The following FYB2 variants were observed in gnomAD, a reference collection of about 807,000 sequenced individuals.
FYB2 encodes FYN-binding protein 2.
A neutral mutation model predicts 94.1 loss-of-function variants in FYB2; 103 were observed. The ratio of observed to expected loss-of-function variants is 1.09; its 90% CI spans 0.93 to 1.29. The LOEUF is 1.29. FYB2 is among the 50% of genes most tolerant of loss of function. The probability of loss-of-function intolerance (pLI) is 0.00; values close to 1 mark genes in which losing one functional copy is unlikely to be tolerated. For missense variants in FYB2, 896 were observed against 841.5 expected, an observed-to-expected ratio of 1.06 and a Z score of -0.80; for synonymous variants, 293 against 287.9, an observed-to-expected ratio of 1.02 and a Z score of -0.18.
intron 16 of FYB2, among the ~76,000 whole-genome samples, chr1:56,724,616 C>T (rs1015427943): frequency 1.3e-5 from 2 of 151,986 alleles, no homozygotes; most frequent in African/African-American, 4.8e-5. Flanking sequence ...TTATGTCACT[C>T]TCTTGCTTAA....
chr1:56,747,379 G>A (rs1287230165), intron 9 of FYB2, among the ~76,000 whole-genome samples: 1 of 151,846 alleles, frequency 6.6e-6, no homozygotes, highest in Non-Finnish European at 1.5e-5. Context: ...CATGCACTAA[G>A]TATTTGTCCT....
chr1:56,723,819 A>G (rs1644533022), intron 16 of FYB2, 138 bp from the exon 17 acceptor site: 1 of 582,892 alleles, frequency 1.7e-6, no homozygotes, highest in African/African-American at 2.0e-5. Context: ...AATAATACAC[A>G]AAGTCACGCA....
chr1:56,811,941 T>C (rs200586844), intron 1 of FYB2, among the ~76,000 whole-genome samples: 2 of 151,372 alleles, frequency 1.3e-5, no homozygotes, highest in Non-Finnish European at 2.9e-5. Context: ...TTTTTTTTCC[T>C]TTTTCTTTCT....
intron 1 of FYB2, 151 bp downstream of exon 1, chr1:56,819,131 C>T: frequency 6.8e-6 from 3 of 438,872 alleles, no homozygotes; most frequent in South Asian, 1.8e-5. Flanking sequence ...CCAGTGTGAG[C>T]AGAAATGCAC....
chr1:56,814,664 A>G (rs529377494), intron 1 of FYB2, among the ~76,000 whole-genome samples: 14 of 152,168 alleles, frequency 9.2e-5, no homozygotes, highest in African/African-American at 3.1e-4. Flanking sequence ...TTCTCCCAGA[A>G]CTCACAAAAA....
rs1318090456 is a variant in FYB2, at chr1:56,756,811, C to T, written c.1099-884G>A. ...ACTACTGTCTATGCACAAGTGCTAT[C>T]ACACCAGAGGGACTTGGTACATGTT... On this transcript the variant is annotated intron_variant, in intron 6 of 19. Coordinates refer to ENST00000343433, the MANE Select transcript of FYB2 (RefSeq NM_001004303.5). Among the ~76,000 whole-genome samples the T allele has an allele frequency of 1.3e-5, 2 of 152,098 alleles. 1 individual carries two copies. The highest frequency in any genetic ancestry group is 4.1e-4 in the South Asian group (2 of 4,822).
intron 4 of FYB2, among the ~76,000 whole-genome samples, chr1:56,772,705 A>G (rs1218409147): frequency 1.3e-5 from 2 of 152,156 alleles, no homozygotes; most frequent in African/African-American, 4.8e-5. Flanking sequence ...CATTCTAGTT[A>G]TAAAGAACTG....
At chr1:56,767,710 A>G in intron 5 of FYB2, 119 bp downstream of exon 5, 1 of 731,056 alleles carries the variant, frequency 1.4e-6, no homozygotes. Flanking sequence ...AAGAAATAAG[A>G]TGGTTGTGCA....
chr1:56,792,769 T>A lies in FYB2; in HGVS notation c.44A>T (p.Lys15Ile). The change falls in exon 2 of 20, where the codon AAA becomes ATA. Residue 15 changes from lysine to isoleucine, a missense_variant. Lys to Ile is a moderately radical substitution (Grantham distance 102, BLOSUM62 -3). Coordinates refer to ENST00000343433, the MANE Select transcript of FYB2 (RefSeq NM_001004303.5). ...GVRNFKELRA[K>I]FQNLDAPPLP... ...AGGTGGAGCATCAAGATTTTGAAATTTGGCTCGAAGTTCCTTGAAGTTTCT... is the reference window on the plus strand; with the variant it reads ...AGGTGGAGCATCAAGATTTTGAAATATGGCTCGAAGTTCCTTGAAGTTTCT... 6.2e-7 allele frequency: 1 copy of A among 1,613,404 alleles called. No homozygotes were observed. The highest frequency in any genetic ancestry group is 8.5e-7 in the Non-Finnish European group (1 of 1,179,688).
intron 6 of FYB2, among the ~76,000 whole-genome samples, chr1:56,757,403 G>T (rs543457064): frequency 6.6e-6 from 1 of 152,156 alleles, no homozygotes; most frequent in African/African-American, 2.4e-5. Flanking sequence ...TACCCAGTGA[G>T]AAAAGAGTAG....
chr1:56,792,379 T>C lies in FYB2; in HGVS notation c.434A>G (p.Lys145Arg), dbSNP rs758143030. Residue 145 changes from lysine (K) to arginine (R), a missense_variant, in exon 2 of 20, where the codon AAG becomes AGG. Coordinates refer to ENST00000343433, the MANE Select transcript of FYB2 (RefSeq NM_001004303.5). Reference protein sequence around the residue: ...SFRNKLWNWEKVSSQKSEMSS... With the variant: ...SFRNKLWNWERVSSQKSEMSS... ...CATTTCACTTTTCTGAGATGAAACC[T>C]TCTCCCAGTTCCAGAGTTTGTTTCT... 6.2e-7 allele frequency: 1 copy of C among 1,614,186 alleles called. No homozygotes were observed. Among genetic ancestry groups the C allele is most frequent in the Non-Finnish European group, 8.5e-7 (1 of 1,180,020 alleles).
At chr1:56,793,017 A>T (rs968704599) in intron 1 of FYB2, among the ~76,000 whole-genome samples, 1 of 152,100 alleles carries the variant, frequency 6.6e-6, no homozygotes, top group Non-Finnish European at 1.5e-5. Flanking sequence ...TACAATGAAA[A>T]CACTATCTCT....
intron 1 of FYB2, among the ~76,000 whole-genome samples, chr1:56,815,243 C>T (rs996780979): frequency 1.3e-5 from 2 of 152,062 alleles, no homozygotes; most frequent in African/African-American, 2.4e-5. Context: ...CTCCTTCACT[C>T]GAGCGTTCCC....
At chr1:56,815,933 A>C (rs1229235031) in intron 1 of FYB2, among the ~76,000 whole-genome samples, 2 of 152,156 alleles carry the variant, frequency 1.3e-5, no homozygotes, top group Admixed American at 6.5e-5. Context: ...ACTAGGCTAT[A>C]CCTCTGATTT....
intron 15 of FYB2, among the ~76,000 whole-genome samples, chr1:56,734,131 C>A (rs1184190567): frequency 1.3e-5 from 2 of 152,120 alleles, no homozygotes; most frequent in East Asian, 3.9e-4. Flanking sequence ...GGATAGTTAG[C>A]TCTTCTTGTT....
chr1:56,720,096 A>T, intron 18 of FYB2, 41 bp from the exon 19 acceptor site: 3 of 1,592,140 alleles, frequency 1.9e-6, no homozygotes, highest in Non-Finnish European at 2.6e-6. Context: ...AAAGTTATAG[A>T]GAAAATGTTT....
In FYB2 at chr1:56,751,064, G is replaced by T; in HGVS notation, c.1367C>A (p.Ala456Asp). ...TNPCPEGPKL[A>D]RHSQGHCGHL... is the part of the protein sequence containing the mutation. ...CTTACAGTGGCCTTGGGAGTGCCTG[G>T]CCAGCTTTGGGCCCTCAGGGCAGGG... The change falls in exon 9 of 20, where the codon GCC becomes GAC. Residue 456 changes from alanine to aspartate, a missense_variant. Transcript: ENST00000343433. 3 of 1,612,590 alleles carry T rather than the reference G, an allele frequency of 1.9e-6. No individual in the cohort carries two copies. The highest frequency in any genetic ancestry group is 2.5e-6 in the Non-Finnish European group (3 of 1,179,094).
At chr1:56,814,438 G>A (rs572967649) in intron 1 of FYB2, among the ~76,000 whole-genome samples, 36 of 152,306 alleles carry the variant, frequency 2.4e-4, no homozygotes, top group Middle Eastern at 3.4e-3. Context: ...GTAATGCCAG[G>A]CTAAATGCTG....
intron 5 of FYB2, among the ~76,000 whole-genome samples, chr1:56,761,757 CA>C (rs1392835517): frequency 1.3e-5 from 2 of 151,948 alleles, no homozygotes; most frequent in East Asian, 3.9e-4. Flanking sequence ...CAGCAAAAGC[CA>C]ACCACCTTGA....
Sources: allele counts gnomAD v4.1 joint callset (sites outside exome capture counted in the v4.1 genomes callset), GRCh38; gene constraint gnomAD v4.1.1; transcripts MANE v1.5; gene names NCBI Gene and HGNC (gene_info 2026-07-23, HGNC 2026-07-21).